Variants in AGBL4 observed in about 807,000 individuals in gnomAD.
AGBL4 encodes AGBL carboxypeptidase 4.
AGBL4 carries 58 observed loss-of-function variants against 66.4 expected under a neutral mutation model. The ratio of observed to expected loss-of-function variants is 0.87; its 90% CI spans 0.71 to 1.09. The LOEUF (loss-of-function observed/expected upper bound fraction) is 1.09, where lower values mean the gene tolerates loss of function less well. AGBL4 is among the 50% of genes least tolerant of loss of function. The pLI is 0.00. For synonymous variants in AGBL4, 234 were observed against 222.9 expected (o/e 1.05, Z -0.44); for missense variants, 579 against 631.0 (o/e 0.92, Z 0.88).
At chr1:48,550,982 T>C (rs1299628741) in intron 11 of AGBL4, among the ~76,000 whole-genome samples, 1 of 152,232 alleles carries the variant, frequency 6.6e-6, no homozygotes, top group Non-Finnish European at 1.5e-5. Flanking sequence ...TTGTCTCTTA[T>C]CTGAACTATT....
intron 1 of AGBL4, among the ~76,000 whole-genome samples, chr1:49,911,736 G>A (rs558987738): frequency 3.0e-4 from 46 of 152,162 alleles, no homozygotes; most frequent in Non-Finnish European, 4.1e-4. Flanking sequence ...TCCCCTAAGA[G>A]GCTTGGCTAC....
At chr1:49,948,329 CATATATAA>C (rs962323385) in intron 1 of AGBL4, among the ~76,000 whole-genome samples, 14 of 75,314 alleles carry the variant, frequency 1.9e-4, no homozygotes, top group African/African-American at 4.5e-4. Flanking sequence ...AATATATAAA[CATATATAA>C]ATATATAAAT....
At chr1:49,277,737 GAA>G (rs67290360) in intron 3 of AGBL4, among the ~76,000 whole-genome samples, 152 of 141,260 alleles carry the variant, frequency 1.1e-3, no homozygotes, top group South Asian at 3.0e-3. Flanking sequence ...TGGCATAGCT[GAA>G]AAAAAAAAAA....
chr1:49,132,430 A>G (rs1413837716), intron 4 of AGBL4, among the ~76,000 whole-genome samples: 3 of 152,150 alleles, frequency 2.0e-5, no homozygotes, highest in African/African-American at 7.2e-5. Flanking sequence ...GTGTCTGGGT[A>G]AAACTTTTGA....
At chr1:49,212,410 A>T (rs1648744608) in intron 4 of AGBL4, among the ~76,000 whole-genome samples, 1 of 152,132 alleles carries the variant, frequency 6.6e-6, no homozygotes, top group Non-Finnish European at 1.5e-5. Flanking sequence ...ACACCAGCTC[A>T]AATAGTCTAT....
chr1:49,065,906 G>A (rs1398775624), intron 4 of AGBL4, among the ~76,000 whole-genome samples: 6 of 152,168 alleles, frequency 3.9e-5, no homozygotes, highest in Non-Finnish European at 7.3e-5. Context: ...GGGAGAACAC[G>A]GGGAAAGTGG....
intron 4 of AGBL4, among the ~76,000 whole-genome samples, chr1:49,046,120 A>G (rs1175148630): frequency 3.3e-5 from 5 of 152,222 alleles, no homozygotes; most frequent in African/African-American, 9.6e-5. Flanking sequence ...GCCTTGATGT[A>G]CAATAATAAA....
intron 3 of AGBL4, among the ~76,000 whole-genome samples, chr1:49,689,051 T>G (rs905307876): frequency 3.3e-5 from 5 of 152,224 alleles, no homozygotes; most frequent in South Asian, 2.1e-4. Flanking sequence ...TTGCTTTCTT[T>G]GCTGTGCAGA....
At chr1:48,943,162 G>A (rs12074383) in intron 5 of AGBL4, among the ~76,000 whole-genome samples, 20,147 of 152,176 alleles carry the variant, frequency 0.13, 2,119 homozygotes, top group African/African-American at 0.28. Flanking sequence ...CATGCACCAC[G>A]TTGTGTTAGG....
In AGBL4 at chr1:48,697,653, C is replaced by T. The variant is rs192153391; in HGVS notation, c.635-34412G>A. ...GACCAGAAAGATAGAAATAGCATTACGGGTTTCTAGCAACTTCCTTGGTAT... is the reference window on the plus strand; with the variant it reads ...GACCAGAAAGATAGAAATAGCATTATGGGTTTCTAGCAACTTCCTTGGTAT... On this transcript the variant is annotated intron_variant, in intron 6 of 13. Transcript: ENST00000371839. Among the ~76,000 whole-genome samples the T allele has an allele frequency of 4.6e-5, 7 of 152,274 alleles. No individual in the cohort carries two copies. In the East Asian group the frequency reaches 7.7e-4, roughly 17 times the overall value.
Position 48,870,557 on chromosome 1 carries a change from C to T in AGBL4, c.595-3327G>A, listed in dbSNP as rs551785541. Among the ~76,000 whole-genome samples the T allele has an allele frequency of 2.0e-5, 3 of 152,296 alleles. No homozygotes were observed. In the South Asian group the frequency reaches 6.2e-4, roughly 32 times the overall value. ...ATGCTCTTTCTTTTCCAAGACTTTT[C>T]CCCTGCTACATCTTTGGGGTTCTTT... On this transcript the variant is annotated intron_variant, in intron 5 of 13. Coordinates refer to ENST00000371839, the MANE Select transcript of AGBL4 (RefSeq NM_032785.4).
At chr1:49,336,213 C>G (rs184670285) in intron 3 of AGBL4, among the ~76,000 whole-genome samples, 9 of 151,704 alleles carry the variant, frequency 5.9e-5, no homozygotes, top group Non-Finnish European at 8.8e-5. Flanking sequence ...AAGACCAAAG[C>G]CCCCCCTGAG....
chr1:49,428,274 T>C (rs1412286417), intron 3 of AGBL4, among the ~76,000 whole-genome samples: 3 of 152,230 alleles, frequency 2.0e-5, no homozygotes, highest in Admixed American at 1.3e-4. Context: ...TTTATTTTTC[T>C]TTCTAGTTCC....
rs189626627 is a variant in AGBL4 at position 48,996,031 on chromosome 1, G to A, written c.594+49553C>T. ...GATATGGAGGAAAGTGAGTGGGTTG[G>A]GGACATATATTAGAGATAGAGTGGC... On this transcript the variant is annotated intron_variant, in intron 5 of 13. Coordinates refer to ENST00000371839, the MANE Select transcript of AGBL4 (RefSeq NM_032785.4). 1.1e-4 allele frequency among the ~76,000 whole-genome samples: 17 copies of A among 152,208 alleles called. No homozygotes were observed. In the East Asian group the frequency reaches 3.1e-3, roughly 28 times the overall value.
At chr1:49,039,170 G>T (rs963886053) in intron 5 of AGBL4, among the ~76,000 whole-genome samples, 2 of 152,094 alleles carry the variant, frequency 1.3e-5, no homozygotes, top group African/African-American at 4.8e-5. Flanking sequence ...ATCAGTGGTT[G>T]ACAGGGGTTA....
intron 1 of AGBL4, among the ~76,000 whole-genome samples, chr1:49,904,342 A>G (rs1354548273): frequency 5.3e-5 from 8 of 152,202 alleles, no homozygotes; most frequent in African/African-American, 1.7e-4. Context: ...TTTAAACTCA[A>G]AAATACATTT....
intron 1 of AGBL4, among the ~76,000 whole-genome samples, chr1:49,852,095 A>G (rs143428791): frequency 9.3e-4 from 142 of 152,292 alleles, no homozygotes; most frequent in Admixed American, 2.7e-3. Context: ...ACTTTCACCT[A>G]AGATGTAGAA....
intron 4 of AGBL4, among the ~76,000 whole-genome samples, chr1:49,164,909 G>A (rs1371823806): frequency 6.6e-6 from 1 of 152,118 alleles, no homozygotes; most frequent in African/African-American, 2.4e-5. Context: ...TTCAGCACAA[G>A]GAGCTTGCTT....
intron 1 of AGBL4, among the ~76,000 whole-genome samples, chr1:49,915,979 G>A (rs1368145504): frequency 6.6e-6 from 1 of 152,148 alleles, no homozygotes; most frequent in Non-Finnish European, 1.5e-5. Flanking sequence ...AACAGGGTCT[G>A]GAGTGGACCT....
Sources: allele counts gnomAD v4.1 joint callset (sites outside exome capture counted in the v4.1 genomes callset), GRCh38; gene constraint gnomAD v4.1.1; transcripts MANE v1.5; gene names NCBI Gene and HGNC (gene_info 2026-07-23, HGNC 2026-07-21).